RARB: variants seen among roughly 807,000 people sequenced by gnomAD.
The protein encoded by RARB is HBV-activated protein.
In RARB, 17 loss-of-function variants were observed where a neutral mutation model predicts 51.9. The ratio of observed to expected loss-of-function variants is 0.33; its 90% confidence interval spans 0.22 to 0.49. The LOEUF is 0.49. RARB is among the 20% of genes least tolerant of loss of function. The probability of loss-of-function intolerance (pLI) is 0.99; values close to 1 mark genes in which losing one functional copy is unlikely to be tolerated. For synonymous variants in RARB, 215 were observed against 195.4 expected (o/e 1.10, Z -0.84); for missense variants, 369 against 550.8 (o/e 0.67, Z 3.30).
intron 2 of RARB, among the ~76,000 whole-genome samples, chr3:25,044,433 G>A (rs1340899939): frequency 6.6e-6 from 1 of 152,108 alleles, no homozygotes; most frequent in Non-Finnish European, 1.5e-5. Flanking sequence ...AAATTGTTGA[G>A]AGGAAGAAAG....
chr3:25,086,444 T>G (rs1384230806), intron 3 of RARB, among the ~76,000 whole-genome samples: 1 of 152,172 alleles, frequency 6.6e-6, no homozygotes, highest in African/African-American at 2.4e-5. Flanking sequence ...CAGAAAAATT[T>G]TTTAACTTAT....
intron 5 of RARB, among the ~76,000 whole-genome samples, chr3:25,281,286 G>C (rs1458060515): frequency 1.3e-5 from 2 of 152,154 alleles, no homozygotes; most frequent in Non-Finnish European, 2.9e-5. Context: ...TATTGAAACT[G>C]CCTACACCTT....
chr3:25,011,450 G>T (rs1188127694), intron 2 of RARB, among the ~76,000 whole-genome samples: 1 of 152,078 alleles, frequency 6.6e-6, no homozygotes, highest in East Asian at 1.9e-4. Context: ...AAAGCCAAGT[G>T]TTGGCAGATT....
intron 2 of RARB, among the ~76,000 whole-genome samples, chr3:24,874,910 G>C (rs985913249): frequency 6.6e-6 from 1 of 151,622 alleles, no homozygotes; most frequent in African/African-American, 2.4e-5. Context: ...AAAGTTATAC[G>C]CTCATTTCCC....
chr3:24,913,576 C>G (rs922155894), intron 2 of RARB, among the ~76,000 whole-genome samples: 2 of 152,000 alleles, frequency 1.3e-5, no homozygotes, highest in South Asian at 2.1e-4. Context: ...AATATTGTTA[C>G]AAAAATGGGT....
chr3:25,259,257 G>A (rs1702940598), intron 5 of RARB, among the ~76,000 whole-genome samples: 2 of 152,172 alleles, frequency 1.3e-5, no homozygotes, highest in African/African-American at 4.8e-5. Flanking sequence ...TTGCTGTGAA[G>A]TGGCTGCTCA....
At chr3:25,016,051 G>A (rs1000357537) in intron 2 of RARB, among the ~76,000 whole-genome samples, 1 of 152,232 alleles carries the variant, frequency 6.6e-6, no homozygotes, top group Middle Eastern at 3.4e-3. Flanking sequence ...TGGAACAATG[G>A]GTACATGCTA....
At chr3:25,253,542 T>C (rs1019250687) in intron 5 of RARB, among the ~76,000 whole-genome samples, 1 of 152,148 alleles carries the variant, frequency 6.6e-6, no homozygotes, top group Non-Finnish European at 1.5e-5. Flanking sequence ...ACATAATTTA[T>C]ATATTGCCTG....
At chr3:24,907,608 A>G (rs1052683601) in intron 2 of RARB, among the ~76,000 whole-genome samples, 1 of 152,184 alleles carries the variant, frequency 6.6e-6, no homozygotes, top group African/African-American at 2.4e-5. Flanking sequence ...TTGGAATGTG[A>G]GGAGTAAGGA....
chr3:25,381,241 G>C (rs950418448), intron 5 of RARB, among the ~76,000 whole-genome samples: 2 of 152,154 alleles, frequency 1.3e-5, no homozygotes, highest in Admixed American at 6.6e-5. Context: ...ATTTAAGGGA[G>C]GCTCCCAAGG....
chr3:25,195,204 A>G (rs1701202635), intron 5 of RARB, among the ~76,000 whole-genome samples: 1 of 151,870 alleles, frequency 6.6e-6, no homozygotes, highest in East Asian at 1.9e-4. Flanking sequence ...TTTTTTTCCA[A>G]ACAGTTTCAC....
At chr3:25,154,436 G>T (rs537828951) in intron 4 of RARB, among the ~76,000 whole-genome samples, 2 of 152,190 alleles carry the variant, frequency 1.3e-5, no homozygotes, top group African/African-American at 4.8e-5. Flanking sequence ...AATGTTCTTT[G>T]GATTCATCAT....
intron 5 of RARB, among the ~76,000 whole-genome samples, chr3:25,274,014 TCA>T (rs765065431): frequency 1.2e-4 from 18 of 152,196 alleles, no homozygotes; most frequent in Admixed American, 2.6e-4. Flanking sequence ...GGGATGGTTC[TCA>T]CTCTCAACTT....
At chr3:25,041,436 A>G (rs1311722587) in intron 2 of RARB, among the ~76,000 whole-genome samples, 1 of 151,944 alleles carries the variant, frequency 6.6e-6, no homozygotes, top group African/African-American at 2.4e-5. Flanking sequence ...TCAAATAAAT[A>G]TTCTGTCTTT....
chr3:25,319,974 T>C (rs1053165527), intron 5 of RARB, among the ~76,000 whole-genome samples: 9 of 152,078 alleles, frequency 5.9e-5, no homozygotes, highest in Admixed American at 5.9e-4. Context: ...AATCAGTCTT[T>C]CTGGAACAGT....
At chr3:25,189,833 T>A (rs554860919) in intron 5 of RARB, among the ~76,000 whole-genome samples, 1 of 152,198 alleles carries the variant, frequency 6.6e-6, no homozygotes, top group African/African-American at 2.4e-5. Flanking sequence ...TGCAGTGAGC[T>A]GAGATCATGC....
intron 5 of RARB, among the ~76,000 whole-genome samples, chr3:25,329,506 A>C (rs879899021): frequency 6.6e-6 from 1 of 151,286 alleles, no homozygotes; most frequent in African/African-American, 2.4e-5. Context: ...CCCCACCTAT[A>C]TATCACCATC....
intron 5 of RARB, among the ~76,000 whole-genome samples, chr3:25,331,600 A>G (rs1241178260): frequency 1.3e-5 from 2 of 152,224 alleles, no homozygotes; most frequent in African/African-American, 4.8e-5. Flanking sequence ...ACACCCTAAC[A>G]TCACAATTAA....
At chr3:25,145,437 G>A (rs1700171128) in intron 4 of RARB, among the ~76,000 whole-genome samples, 1 of 152,058 alleles carries the variant, frequency 6.6e-6, no homozygotes, top group Non-Finnish European at 1.5e-5. Flanking sequence ...ACATGTCTGG[G>A]AACTTTGAGT....
Sources: allele counts gnomAD v4.1 joint callset (sites outside exome capture counted in the v4.1 genomes callset), GRCh38; gene constraint gnomAD v4.1.1; transcripts MANE v1.5; gene names NCBI Gene and HGNC (gene_info 2026-07-23, HGNC 2026-07-21).